The following UNC13C variants were observed in gnomAD, a reference collection of about 807,000 sequenced individuals.
UNC13C encodes protein unc-13 homolog C.
A neutral mutation model predicts 245.4 loss-of-function variants in UNC13C; 174 were observed. The observed-to-expected ratio is 0.71, with a 90% CI of 0.63 to 0.80. The LOEUF (loss-of-function observed/expected upper bound fraction) is 0.80, where lower values mean the gene tolerates loss of function less well. Among genes scored for constraint, UNC13C ranks in the 30% least tolerant of loss-of-function variants. The pLI is 0.00. For synonymous variants in UNC13C, 992 were observed against 895.1 expected (o/e 1.11, Z -1.93); for missense variants, 2,829 against 2,602.9 (o/e 1.09, Z -1.89).
chr15:54,297,166 T>A (rs16974464), intron 11 of UNC13C, among the ~76,000 whole-genome samples: 21,798 of 152,188 alleles, frequency 0.14, 1,779 homozygotes, highest in African/African-American at 0.21. Context: ...ACCGTTTTTC[T>A]TGATTTTGAT....
chr15:54,627,881 A>ATGGTT lies in UNC13C; in HGVS notation c.*770_*774dup, dbSNP rs1469880227. 1 of 152,588 alleles carries ATGGTT rather than the reference A, an allele frequency of 6.6e-6. No individual in the cohort carries two copies. Among genetic ancestry groups the ATGGTT allele is most frequent in the Non-Finnish European group, 1.5e-5 (1 of 68,006 alleles). The allele number at this position is 152,588 out of a possible 1,614,324, so 9.5% of individuals were successfully genotyped here. The stretch of plus-strand genomic sequence containing the variant: ...TATTTCATTCTTTAAAAAGTCATTA[A>ATGGTT]TGGTTTAGAAATGGGATGGAAAGTT... On this transcript the variant is annotated 3_prime_UTR_variant, in exon 33 of 33. Transcript: ENST00000260323.
At chr15:54,129,963 CTTT>C (rs1567036350) in intron 2 of UNC13C, among the ~76,000 whole-genome samples, 1 of 148,190 alleles carries the variant, frequency 6.7e-6, no homozygotes, top group African/African-American at 2.5e-5. Flanking sequence ...ATCTATTTTA[CTTT>C]TTTGTTATAT....
intron 7 of UNC13C, among the ~76,000 whole-genome samples, chr15:54,248,182 C>T (rs2140859976): frequency 6.6e-6 from 1 of 152,164 alleles, no homozygotes; most frequent in African/African-American, 2.4e-5. Context: ...CTCAGTATTC[C>T]ATGTAATTAG....
intron 25 of UNC13C, among the ~76,000 whole-genome samples, chr15:54,527,845 T>C (rs1383781729): frequency 1.3e-5 from 2 of 152,214 alleles, no homozygotes; most frequent in East Asian, 3.9e-4. Flanking sequence ...AAAATATAAT[T>C]ATTATATCCT....
chr15:54,162,549 C>A (rs1270062125), intron 4 of UNC13C, among the ~76,000 whole-genome samples: 2 of 152,284 alleles, frequency 1.3e-5, no homozygotes, highest in African/African-American at 4.8e-5. Flanking sequence ...GAATAAGATT[C>A]TTTCCATCAA....
At chr15:54,568,106 T>C (rs1165447060) in intron 30 of UNC13C, among the ~76,000 whole-genome samples, 159 bp downstream of exon 30, 15 of 152,130 alleles carry the variant, frequency 9.9e-5, no homozygotes, top group African/African-American at 2.4e-4. Flanking sequence ...CCAATTTTTT[T>C]AGTGTTCATG....
At chr15:54,327,600 G>A (rs112763268) in intron 14 of UNC13C, among the ~76,000 whole-genome samples, 8 of 152,160 alleles carry the variant, frequency 5.3e-5, no homozygotes, top group African/African-American at 1.7e-4. Flanking sequence ...TATTGCAATA[G>A]GGAAGAGAGG....
At chr15:53,940,448 T>C in the UNC13C span, among the ~76,000 whole-genome samples, 1 of 151,916 alleles carries the variant, frequency 6.6e-6, no homozygotes, top group Non-Finnish European at 1.5e-5. Flanking sequence ...TACAACATAG[T>C]ATAGGATGTT....
At chr15:54,389,957 G>C (rs1457495065) in intron 17 of UNC13C, among the ~76,000 whole-genome samples, 1 of 152,028 alleles carries the variant, frequency 6.6e-6, no homozygotes, top group Non-Finnish European at 1.5e-5. Flanking sequence ...TCCAACTCCT[G>C]ACTTCAGGTA....
At chr15:53,958,279 C>G in the UNC13C span, among the ~76,000 whole-genome samples, 1 of 152,142 alleles carries the variant, frequency 6.6e-6, no homozygotes, top group Non-Finnish European at 1.5e-5. Flanking sequence ...ATCCCTTCTC[C>G]CGAAAACCAT....
chr15:54,441,725 A>G (rs532256922), intron 19 of UNC13C, among the ~76,000 whole-genome samples: 1 of 152,114 alleles, frequency 6.6e-6, no homozygotes. Context: ...ATTTATTTGA[A>G]AAACTACGTT....
chr15:54,016,817 T>A (rs1318381534), intron 2 of UNC13C, among the ~76,000 whole-genome samples: 1 of 152,262 alleles, frequency 6.6e-6, no homozygotes, highest in Non-Finnish European at 1.5e-5. Context: ...TTAAATGAAT[T>A]GCATATTATT....
intron 3 of UNC13C, 47 bp from the exon 4 acceptor site, chr15:54,143,573 A>T (rs1395371094): frequency 6.5e-7 from 1 of 1,531,596 alleles, no homozygotes; most frequent in South Asian, 1.1e-5. Context: ...AAACTGTAGT[A>T]TGCTAAAAGC....
At chr15:54,360,895 A>G (rs1298174797) in intron 17 of UNC13C, among the ~76,000 whole-genome samples, 9 of 152,036 alleles carry the variant, frequency 5.9e-5, no homozygotes, top group Non-Finnish European at 1.5e-5. Context: ...AGTATTCTTT[A>G]TTTGACTTTG....
intron 18 of UNC13C, among the ~76,000 whole-genome samples, chr15:54,404,231 CA>C (rs761839738): frequency 2.0e-5 from 3 of 152,130 alleles, no homozygotes; most frequent in Non-Finnish European, 2.9e-5. Flanking sequence ...TACTTTTCTT[CA>C]AAGACAAACT....
the UNC13C span, among the ~76,000 whole-genome samples, chr15:53,901,434 C>T: frequency 3.3e-5 from 5 of 151,706 alleles, no homozygotes; most frequent in Non-Finnish European, 7.4e-5. Flanking sequence ...CTGTGTTAGC[C>T]AGGATGGTCT....
intron 30 of UNC13C, among the ~76,000 whole-genome samples, chr15:54,579,693 A>G (rs1005321680): frequency 1.3e-5 from 2 of 152,162 alleles, no homozygotes; most frequent in Non-Finnish European, 2.9e-5. Flanking sequence ...TGGAAGGCAG[A>G]GGTTGCAGTG....
At chr15:53,901,914 T>C in the UNC13C span, among the ~76,000 whole-genome samples, 4 of 152,192 alleles carry the variant, frequency 2.6e-5, no homozygotes, top group Admixed American at 1.3e-4. Flanking sequence ...ACTTTTTTTA[T>C]TTATGGTGAA....
rs535716825 is a variant in UNC13C at position 54,098,454 on chromosome 15, C to T, written c.2984-44564C>T. On this transcript the variant is annotated intron_variant, in intron 2 of 32. Transcript: ENST00000260323. ...CCTCCCAAAGTGCTGGGATTATAGGCGTGAGCTACCCTATCCGGCCCCTCC... is the reference window on the plus strand; with the variant it reads ...CCTCCCAAAGTGCTGGGATTATAGGTGTGAGCTACCCTATCCGGCCCCTCC... 2.0e-5 allele frequency among the ~76,000 whole-genome samples: 3 copies of T among 152,288 alleles called. No homozygotes were observed. In the South Asian group the frequency reaches 6.2e-4, roughly 32 times the overall value.
Sources: gnomAD v4.1 joint callset for allele counts (sites outside exome capture counted in the v4.1 genomes callset) on GRCh38, gnomAD v4.1.1 for gene constraint, MANE v1.5 for transcripts, NCBI Gene and HGNC (gene_info 2026-07-23, HGNC 2026-07-21) for gene names.